Variants in DMD observed in about 807,000 individuals in gnomAD.
The protein encoded by DMD is dystrophin.
In DMD, 63 loss-of-function variants were observed where a neutral mutation model predicts 330.1. That is an observed-to-expected ratio of 0.19 (90% CI 0.16 to 0.24). The LOEUF is 0.24. Ranked by LOEUF, DMD falls within the 10% of genes least tolerant of loss-of-function variation. The pLI is 1.00. For missense variants in DMD, 3,344 were observed against 2,684.1 expected (o/e 1.25, Z -5.43); for synonymous variants, 1,223 against 959.8 (o/e 1.27, Z -5.07).
chrX:32,906,743 G>A (rs1056406659), intron 2 of DMD, among the ~76,000 whole-genome samples: 1 of 111,127 alleles, frequency 9.0e-6, no homozygotes, highest in Non-Finnish European at 1.9e-5. Context: ...TTATAGATGG[G>A]GTCAAGACTA....
chrX:32,250,507 G>A (rs1476659290), intron 43 of DMD, among the ~76,000 whole-genome samples: 9 of 111,554 alleles, frequency 8.1e-5, no homozygotes, highest in Non-Finnish European at 1.7e-4. Flanking sequence ...TCCTATCCAT[G>A]CGGGTCAAAA....
chrX:33,107,316 C>A (rs1341075225), intron 1 of DMD, among the ~76,000 whole-genome samples: 6 of 71,088 alleles, frequency 8.4e-5, no homozygotes, highest in African/African-American at 2.2e-4. Context: ...CTGTCCCCCC[C>A]CCCCCCCCAA....
chrX:32,281,065 C>A lies in DMD; in HGVS notation c.6290+6464G>T, dbSNP rs147515020. ...ATTTTTCTTCATGTAGCACAAATGG[C>A]AGCCAGAGCCTGTGAGTGCTTTAAT... On this transcript the variant is annotated intron_variant, in intron 43 of 78. Transcript: ENST00000357033. Among the ~76,000 whole-genome samples the A allele has an allele frequency of 4.9e-3, 545 of 112,134 alleles. 4 individuals carry two copies. The highest frequency in any genetic ancestry group is 0.015 in the African/African-American group (459 of 30,850).
chrX:32,000,202 C>G (rs1381041510), intron 44 of DMD, among the ~76,000 whole-genome samples: 2 of 111,728 alleles, frequency 1.8e-5, no homozygotes, highest in African/African-American at 6.5e-5. Flanking sequence ...AGATGCATGA[C>G]GGATAAACTA....
At chrX:31,525,953 T>C (rs2073213012) in intron 55 of DMD, among the ~76,000 whole-genome samples, 1 of 112,387 alleles carries the variant, frequency 8.9e-6, no homozygotes, top group Non-Finnish European at 1.9e-5. Context: ...TAGAACTGTT[T>C]GCTTACACTC....
chrX:31,182,879 G>A lies in DMD; in HGVS notation c.9833C>T (p.Ala3278Val), dbSNP rs2041311291. 8.3e-7 allele frequency: 1 copy of A among 1,209,069 alleles called. No homozygotes were observed. Among genetic ancestry groups the A allele is most frequent in the South Asian group, 1.8e-5 (1 of 56,733 alleles). The part of the protein sequence containing the change: ...QFANNKPEIE[A>V]ALFLDWMRLE... ...TCTCATCCAGTCTAGGAAGAGGGCC[G>A]CTTCGATCTCTGGCTTATTATTAGC... Residue 3278 changes from alanine (A) to valine (V), a missense_variant, in exon 68 of 79, where the codon GCG becomes GTG. Ala to Val is a moderately conservative substitution (Grantham distance 64). Transcript: ENST00000357033.
chrX:32,146,699 A>T (rs943728034), intron 44 of DMD, among the ~76,000 whole-genome samples: 3 of 112,237 alleles, frequency 2.7e-5, no homozygotes, highest in Non-Finnish European at 3.8e-5. Flanking sequence ...AAATTCATAG[A>T]TTAGATGTAG....
intron 1 of DMD, among the ~76,000 whole-genome samples, chrX:33,108,215 T>TGCTGA (rs746750879): frequency 9.1e-6 from 1 of 110,369 alleles, no homozygotes; most frequent in South Asian, 3.9e-4. Context: ...CAAGCAAACA[T>TGCTGA]GCTGAGCTAA....
At chrX:32,683,849 G>A (rs965272097) in intron 9 of DMD, among the ~76,000 whole-genome samples, 2 of 109,651 alleles carry the variant, frequency 1.8e-5, no homozygotes, top group African/African-American at 6.6e-5. Flanking sequence ...AAGTTTTTGA[G>A]ACATATTGCC....
At chrX:31,722,275 T>G (rs950960465) in intron 52 of DMD, among the ~76,000 whole-genome samples, 5 of 109,719 alleles carry the variant, frequency 4.6e-5, no homozygotes, top group African/African-American at 1.7e-4. Context: ...CCCGCCACCA[T>G]GCCTGGCTAA....
intron 59 of DMD, among the ~76,000 whole-genome samples, chrX:31,453,777 A>AAAAAAAAAAAAAAAAAC (rs2065944289): frequency 1.9e-5 from 2 of 103,663 alleles, no homozygotes; most frequent in Non-Finnish European, 3.9e-5. Flanking sequence ...AAAAAAAAAA[A>AAAAAAAAAAAAAAAAAC]AAAAAAAAAA....
chrX:33,010,788 C>T (rs969762449), intron 2 of DMD, among the ~76,000 whole-genome samples: 12 of 110,497 alleles, frequency 1.1e-4, no homozygotes, highest in Non-Finnish European at 2.3e-4. Flanking sequence ...AGTGGGGTTT[C>T]CTCCAACATT....
chrX:32,802,395 T>C (rs2076638575), intron 7 of DMD, among the ~76,000 whole-genome samples: 1 of 111,816 alleles, frequency 8.9e-6, no homozygotes, highest in African/African-American at 3.3e-5. Context: ...CTTAAGGAGA[T>C]TTTCGGCTGA....
At chrX:32,146,233 T>A (rs943680715) in intron 44 of DMD, among the ~76,000 whole-genome samples, 5 of 112,236 alleles carry the variant, frequency 4.5e-5, no homozygotes, top group African/African-American at 1.6e-4. Flanking sequence ...TTGTAATTTA[T>A]AAAATGTTAG....
At chrX:31,628,204 T>G (rs1406648603) in intron 54 of DMD, among the ~76,000 whole-genome samples, 1 of 110,944 alleles carries the variant, frequency 9.0e-6, no homozygotes, top group Non-Finnish European at 1.9e-5. Flanking sequence ...TTTTTCAATT[T>G]TGTAGTTTTT....
chrX:32,294,179 T>A (rs1028701340), intron 42 of DMD, among the ~76,000 whole-genome samples: 2 of 112,209 alleles, frequency 1.8e-5, no homozygotes. Context: ...GCCAGTCCAA[T>A]GGCAAAGATA....
chrX:32,509,973 C>G (rs779359624), intron 18 of DMD, among the ~76,000 whole-genome samples: 1 of 111,595 alleles, frequency 9.0e-6, no homozygotes, highest in East Asian at 2.8e-4. Flanking sequence ...TCATGGTGCT[C>G]ACTACTACCA....
intron 42 of DMD, among the ~76,000 whole-genome samples, chrX:32,297,743 G>T (rs1603630178): frequency 8.9e-6 from 1 of 111,933 alleles, no homozygotes; most frequent in South Asian, 3.7e-4. Flanking sequence ...ACTAAAGCAG[G>T]GAAGGAAGAA....
Position 31,147,616 on chromosome X carries a change from T to G in DMD, c.10554-98A>C, listed in dbSNP as rs1173004416. ...TATCATCACCAAATTTTATATACCA[T>G]GGTAGATAGATGCATCTGACTGCCA... On this transcript the variant is annotated intron_variant, in intron 74 of 78. Coordinates refer to ENST00000357033, the MANE Select transcript of DMD (RefSeq NM_004006.3). The G allele has an allele frequency of 1.1e-5, 7 of 658,682 alleles. No individual in the cohort carries two copies. The Admixed American group carries it at 1.6e-4, about 15-fold the overall frequency. 54.3% of individuals were successfully genotyped at this position (658,682 alleles called of 1,213,427 possible). A position where few individuals can be genotyped will look rare whatever the true frequency, so the allele number is the denominator to read the frequency against.
Sources: allele counts gnomAD v4.1 joint callset (sites outside exome capture counted in the v4.1 genomes callset), GRCh38; gene constraint gnomAD v4.1.1; transcripts MANE v1.5; gene names NCBI Gene and HGNC (gene_info 2026-07-23, HGNC 2026-07-21).